The following DMXL2 variants were observed in gnomAD, a reference collection of about 807,000 sequenced individuals.
DMXL2 encodes Dmx like 2.
Under a neutral mutation model 331.1 loss-of-function variants are expected in DMXL2, and 103 were observed. The observed-to-expected ratio is 0.31, with a 90% CI of 0.27 to 0.37. The LOEUF is 0.37. DMXL2 is among the 10% of genes least tolerant of loss of function. The pLI is 1.00. For missense variants in DMXL2, 3,171 were observed against 3,642.9 expected (o/e 0.87, Z 3.33); for synonymous variants, 1,281 against 1,252.1 (o/e 1.02, Z -0.49).
At position 51,479,959 on chromosome 15, in the gene DMXL2, C is replaced by T. The variant is rs1357855131; in HGVS notation, c.6745G>A (p.Glu2249Lys). The change falls in exon 25 of 44, where the codon GAA becomes AAA. Residue 2249 changes from glutamate (E) to lysine (K), a missense_variant. Coordinates refer to ENST00000560891, the MANE Select transcript of DMXL2 (RefSeq NM_001378457.1). ...QMKTPPHPSI[E>K]DVKVHTLHSL... is the part of the protein sequence containing the mutation. ...AAACTTTACATTACCTTCACATCTT[C>T]AATACTGGGATGAGGTGGTGTTTTC... 1.3e-6 allele frequency: 2 copies of T among 1,505,216 alleles called. No individual in the cohort carries two copies. The highest frequency in any genetic ancestry group is 1.8e-4 in the Middle Eastern group (1 of 5,612). 93.2% of individuals were successfully genotyped at this position (1,505,216 alleles called of 1,614,324 possible).
At chr15:51,618,396 T>A (rs2054422573) in intron 1 of DMXL2, among the ~76,000 whole-genome samples, 1 of 152,122 alleles carries the variant, frequency 6.6e-6, no homozygotes, top group Non-Finnish European at 1.5e-5. Flanking sequence ...GTTGATCATT[T>A]TCAAGGTTTG....
rs549818488 is a variant in DMXL2, at chr15:51,464,751, T to C, written c.7732A>G (p.Thr2578Ala). Residue 2578 changes from threonine to alanine, a missense_variant, in exon 32 of 44, where the codon ACT becomes GCT. Coordinates refer to ENST00000560891, the MANE Select transcript of DMXL2 (RefSeq NM_001378457.1). ...PPPNYINTYPTDLSVGAGPAI... is the reference protein window; with the variant it reads ...PPPNYINTYPADLSVGAGPAI... ...GGTCCAGCTCCCACTGAAAGGTCAG[T>C]TGGATATGTGTTGATATAGTTAGGG... The C allele has an allele frequency of 6.2e-6, 10 of 1,614,156 alleles. No individual in the cohort carries two copies. The highest frequency in any genetic ancestry group is 1.1e-5 in the South Asian group (1 of 91,082).
rs116421668 is a variant in DMXL2, at chr15:51,565,310, C to A, written c.286-144G>T. 1,978 of 537,730 alleles carry A rather than the reference C, an allele frequency of 3.7e-3. 27 individuals are homozygous for A. The highest frequency in any genetic ancestry group is 0.034 in the African/African-American group (1,735 of 50,564). The allele number at this position is 537,730 out of a possible 1,614,324, so 33.3% of individuals were successfully genotyped here. On this transcript the variant is annotated intron_variant, in intron 3 of 43. Transcript: ENST00000560891. The stretch of plus-strand genomic sequence containing the variant: ...GATGAAAATATTTCACTATTATTTT[C>A]ATATACTGTTTTTAACGTAACTTTC...
chr15:51,451,317 AAT>A (rs1419010125), intron 42 of DMXL2, among the ~76,000 whole-genome samples: 11 of 152,210 alleles, frequency 7.2e-5, no homozygotes, highest in African/African-American at 1.7e-4. Flanking sequence ...AATTCTTTAA[AAT>A]ATGTTATTTT....
In DMXL2 at chr15:51,448,282, T is replaced by A. The variant is rs1363328775; in HGVS notation, c.*702A>T. On this transcript the variant is annotated 3_prime_UTR_variant, in exon 44 of 44. Transcript: ENST00000560891. Reference sequence around the variant, plus strand: ...AGGTGTGTTTGGTTAACTACAAATATGTCATGTTCACATAGTACATTCCTA... The same window carrying A: ...AGGTGTGTTTGGTTAACTACAAATAAGTCATGTTCACATAGTACATTCCTA... 1.3e-5 allele frequency: 2 copies of A among 152,798 alleles called. No homozygotes were observed. Among genetic ancestry groups the A allele is most frequent in the East Asian group, 1.9e-4 (1 of 5,204 alleles). The allele number at this position is 152,798 out of a possible 1,614,324, so 9.5% of individuals were successfully genotyped here. A position where few individuals can be genotyped will look rare whatever the true frequency, so the allele number is the denominator to read the frequency against.
At chr15:51,576,606 C>G (rs1341496006) in intron 1 of DMXL2, among the ~76,000 whole-genome samples, 1 of 152,184 alleles carries the variant, frequency 6.6e-6, no homozygotes, top group Non-Finnish European at 1.5e-5. Context: ...AGATAGAAAT[C>G]AGGCATGCAT....
chr15:51,451,685 G>C lies in DMXL2; in HGVS notation c.8709C>G (p.Leu2903=). The change falls in exon 42 of 44, where the codon CTC becomes CTG. Residue 2903 remains leucine, a synonymous_variant. Transcript: ENST00000560891. ...TTCCGGGTGATATTAATGTGTCCCA[G>C]AGGCAAACATTTCTTTTAAAGAAAC... ...GHSNDNRNVC[L]WDTLISPGNS... is the part of the protein sequence containing the mutation. The C allele has an allele frequency of 6.2e-7, 1 of 1,613,010 alleles. No individual in the cohort carries two copies. The highest frequency in any genetic ancestry group is 8.5e-7 in the Non-Finnish European group (1 of 1,179,352).
chr15:51,531,845 T>C (rs1465027001), intron 13 of DMXL2, among the ~76,000 whole-genome samples: 1 of 152,126 alleles, frequency 6.6e-6, no homozygotes, highest in Non-Finnish European at 1.5e-5. Context: ...CCAGTTAAAA[T>C]GGCTTATATC....
intron 1 of DMXL2, among the ~76,000 whole-genome samples, chr15:51,604,138 A>T (rs548994944): frequency 6.6e-6 from 1 of 152,024 alleles, no homozygotes; most frequent in Admixed American, 6.5e-5. Flanking sequence ...CACATTAATA[A>T]TTTAAAGAAA....
intron 1 of DMXL2, among the ~76,000 whole-genome samples, chr15:51,577,188 C>T (rs1183509211): frequency 6.6e-6 from 1 of 152,122 alleles, no homozygotes. Flanking sequence ...GGTATTTTTC[C>T]GCACTGTTTC....
Position 51,481,097 on chromosome 15 carries a change from G to A in DMXL2, c.6009C>T (p.Ala2003=). 1 of 1,613,188 alleles carries A rather than the reference G, an allele frequency of 6.2e-7. No individual in the cohort carries two copies. Among genetic ancestry groups the A allele is most frequent in the East Asian group, 2.2e-5 (1 of 44,850 alleles). ...GATCTGATTGTTTATCTTTTTCCCTGGCATCTGTACTTTTCATCACTAAAC... is the reference window on the plus strand; with the variant it reads ...GATCTGATTGTTTATCTTTTTCCCTAGCATCTGTACTTTTCATCACTAAAC... ...AVGLVMKSTD[A]REKDKQSDQK... Residue 2003 remains alanine, a synonymous_variant, in exon 24 of 44, where the codon GCC becomes GCT. Coordinates refer to ENST00000560891, the MANE Select transcript of DMXL2 (RefSeq NM_001378457.1).
chr15:51,580,378 A>T (rs907896350), intron 1 of DMXL2, among the ~76,000 whole-genome samples: 2 of 152,230 alleles, frequency 1.3e-5, no homozygotes, highest in Admixed American at 6.5e-5. Flanking sequence ...AAGCTAAGTT[A>T]GTAAAGTTAG....
At chr15:51,585,036 G>A (rs1189337528) in intron 1 of DMXL2, among the ~76,000 whole-genome samples, 3 of 6,204 alleles carry the variant, frequency 4.8e-4, no homozygotes, top group Non-Finnish European at 1.1e-3. Context: ...GGGCTGAGAC[G>A]ATGGGGTTTT....
chr15:51,521,822 G>T (rs1276276393), intron 13 of DMXL2, among the ~76,000 whole-genome samples: 1 of 152,090 alleles, frequency 6.6e-6, no homozygotes, highest in Non-Finnish European at 1.5e-5. Context: ...GGTACAATAT[G>T]CACATTTATT....
At chr15:51,571,540 A>G (rs1407119462) in intron 2 of DMXL2, among the ~76,000 whole-genome samples, 1 of 152,162 alleles carries the variant, frequency 6.6e-6, no homozygotes, top group African/African-American at 2.4e-5. Context: ...TGGAAGTAAA[A>G]CACTCCTCAG....
At chr15:51,455,406 A>C (rs551169922) in intron 39 of DMXL2, among the ~76,000 whole-genome samples, 178 bp from the exon 40 acceptor site, 2 of 151,834 alleles carry the variant, frequency 1.3e-5, no homozygotes. Flanking sequence ...CTTTTTTTTT[A>C]AATTTTTTTA....
At chr15:51,528,732 A>C (rs1258364684) in intron 13 of DMXL2, among the ~76,000 whole-genome samples, 3 of 151,812 alleles carry the variant, frequency 2.0e-5, no homozygotes, top group Non-Finnish European at 4.4e-5. Context: ...ATCAACAAAG[A>C]AACATCAGAC....
At chr15:51,564,331 T>C (rs1442371706) in intron 4 of DMXL2, 71 bp from the exon 5 acceptor site, 2 of 1,187,996 alleles carry the variant, frequency 1.7e-6, no homozygotes, top group African/African-American at 3.2e-5. Context: ...TGGGCTTCTG[T>C]TTAGATCTGT....
chr15:51,551,208 A>C (rs2049197795), intron 6 of DMXL2, among the ~76,000 whole-genome samples: 1 of 152,122 alleles, frequency 6.6e-6, no homozygotes, highest in Non-Finnish European at 1.5e-5. Flanking sequence ...AAATGTGAGA[A>C]AATAGCTTTT....
Sources: allele counts gnomAD v4.1 joint callset (sites outside exome capture counted in the v4.1 genomes callset), GRCh38; gene constraint gnomAD v4.1.1; transcripts MANE v1.5; gene names NCBI Gene and HGNC (gene_info 2026-07-23, HGNC 2026-07-21).